Variants in ZNF420 observed in about 807,000 individuals in gnomAD.
ZNF420 encodes zinc finger protein 420.
In ZNF420, 31 loss-of-function variants were observed where a neutral mutation model predicts 44.7. The observed-to-expected ratio is 0.69, with a 90% CI of 0.52 to 0.94. The LOEUF (loss-of-function observed/expected upper bound fraction) is 0.94. Among genes scored for constraint, ZNF420 ranks in the 40% least tolerant of loss-of-function variants. The pLI is 0.00. For missense variants in ZNF420, 681 were observed against 827.9 expected (o/e 0.82, Z 2.18); for synonymous variants, 245 against 267.4 (o/e 0.92, Z 0.82).
intron 4 of ZNF420, among the ~76,000 whole-genome samples, chr19:37,105,736 G>A (rs1015702759): frequency 7.2e-5 from 11 of 152,136 alleles, no homozygotes; most frequent in Non-Finnish European, 1.6e-4. Context: ...AGTTCTCCTT[G>A]AAGAGGTCCT....
At chr19:37,120,003 C>T (rs1170805407) in intron 4 of ZNF420, among the ~76,000 whole-genome samples, 6 of 152,062 alleles carry the variant, frequency 3.9e-5, no homozygotes, top group Non-Finnish European at 7.4e-5. Flanking sequence ...CAAAAAGAGT[C>T]CAGGACCAGA....
intron 1 of ZNF420, among the ~76,000 whole-genome samples, chr19:37,051,850 G>T (rs2146424938): frequency 6.6e-6 from 1 of 152,130 alleles, no homozygotes; most frequent in Non-Finnish European, 1.5e-5. Context: ...TTCTCTTGTG[G>T]GCATTTAGTG....
intron 1 of ZNF420, among the ~76,000 whole-genome samples, chr19:37,057,022 A>G (rs1293668362): frequency 6.6e-6 from 1 of 152,246 alleles, no homozygotes; most frequent in Admixed American, 6.5e-5. Flanking sequence ...GCGCCAGCCA[A>G]TTCTCCCATC....
chr19:37,117,490 C>A (rs1391021429), intron 4 of ZNF420, among the ~76,000 whole-genome samples: 1 of 152,034 alleles, frequency 6.6e-6, no homozygotes, highest in African/African-American at 2.4e-5. Context: ...TCATCAAAGA[C>A]CAAAAGTAGA....
chr19:37,092,289 T>C (rs932243049), intron 4 of ZNF420: 1 of 152,196 alleles, frequency 6.6e-6, no homozygotes, highest in African/African-American at 2.4e-5. Flanking sequence ...ATGATCTTCC[T>C]AAAGACTCTT....
rs10404594 is a variant in ZNF420 at position 37,061,091 on chromosome 19, C to T, written c.-124-19254C>T. 6.5e-3 allele frequency among the ~76,000 whole-genome samples: 987 copies of T among 152,250 alleles called. 13 individuals carry two copies. The highest frequency in any genetic ancestry group is 0.022 in the African/African-American group (912 of 41,548). On this transcript the variant is annotated intron_variant, in intron 1 of 4. Transcript: ENST00000587029. ...GCATCGATGGAAAGGTCACCTGTGC[C>T]CCCCTTCCTCCGGAACATGCCTGGA...
At chr19:37,043,284 A>G (rs1297322453) in intron 1 of ZNF420, among the ~76,000 whole-genome samples, 3 of 152,216 alleles carry the variant, frequency 2.0e-5, no homozygotes, top group Non-Finnish European at 4.4e-5. Flanking sequence ...GTGTAACAAC[A>G]TGAGTTATGG....
chr19:37,068,903 A>G (rs542985479), intron 1 of ZNF420, among the ~76,000 whole-genome samples: 1 of 152,308 alleles, frequency 6.6e-6, no homozygotes, highest in Admixed American at 6.5e-5. Flanking sequence ...TCAATTTTCC[A>G]TGAAGATATA....
At chr19:37,076,695 A>C (rs1968163538), upstream of ZNF420, among the ~76,000 whole-genome samples, 2 of 152,186 alleles carry the variant, frequency 1.3e-5, no homozygotes. Flanking sequence ...CCTATAAAGG[A>C]CATGAACTCA....
intron 2 of ZNF420, among the ~76,000 whole-genome samples, chr19:37,085,935 T>TA (rs1333399489): frequency 5.7e-5 from 4 of 70,158 alleles, no homozygotes; most frequent in Non-Finnish European, 1.2e-4. Context: ...CTGGCTGATG[T>TA]TTTATTATTA....
chr19:37,105,474 C>T (rs1183485989), intron 4 of ZNF420, among the ~76,000 whole-genome samples: 1 of 134,798 alleles, frequency 7.4e-6, no homozygotes, highest in East Asian at 2.2e-4. Flanking sequence ...ATTGGCTTGG[C>T]AATGCGGGTT....
chr19:37,045,944 C>T (rs1482730088), intron 1 of ZNF420, among the ~76,000 whole-genome samples: 1 of 152,196 alleles, frequency 6.6e-6, no homozygotes, highest in African/African-American at 2.4e-5. Flanking sequence ...AGGTGAAAGG[C>T]ACTTCTTACA....
intron 1 of ZNF420, among the ~76,000 whole-genome samples, chr19:37,062,589 T>A (rs902232980): frequency 2.0e-5 from 3 of 152,248 alleles, no homozygotes; most frequent in African/African-American, 7.2e-5. Flanking sequence ...TATTTCTGTA[T>A]ATTTCTAATT....
rs61056688 is a variant in ZNF420 at position 37,129,139 on chromosome 19, C to T, written c.*81C>T. On this transcript the variant is annotated 3_prime_UTR_variant, in exon 5 of 5. Coordinates refer to ENST00000337995, the MANE Select transcript of ZNF420 (RefSeq NM_144689.5). ...GAATTCTCACAAATGTGAATATGGG[C>T]GCACATTTGCCTCATAAAGCACAGC... The T allele has an allele frequency of 7.0e-3, 10,355 of 1,478,676 alleles. 305 individuals are homozygous for T. The highest frequency in any genetic ancestry group is 0.062 in the Admixed American group (3,087 of 49,426). 91.6% of individuals were successfully genotyped at this position (1,478,676 alleles called of 1,614,324 possible). A position where few individuals can be genotyped will look rare whatever the true frequency, so the allele number is the denominator to read the frequency against.
chr19:37,023,163 G>A (rs1196091220), intron 1 of ZNF420, among the ~76,000 whole-genome samples: 1 of 151,804 alleles, frequency 6.6e-6, no homozygotes, highest in Admixed American at 6.6e-5. Context: ...AAAAAGATCT[G>A]TAGAATGTCT....
In ZNF420 at chr19:37,010,456, C is replaced by A. The variant is rs915760509; in HGVS notation, c.-125+2374C>A. ...CTCGCAAAGAGCAGAACCCCGCAGCCTCAGGGGTTGCCTGGGGCTATGTGT... is the reference window on the plus strand; with the variant it reads ...CTCGCAAAGAGCAGAACCCCGCAGCATCAGGGGTTGCCTGGGGCTATGTGT... On this transcript the variant is annotated intron_variant, in intron 1 of 4. Transcript: ENST00000587029. Among the ~76,000 whole-genome samples, 5 of 152,062 alleles carry A rather than the reference C, an allele frequency of 3.3e-5. No individual in the cohort carries two copies. In the East Asian group the frequency reaches 9.7e-4, roughly 30 times the overall value.
At chr19:37,059,271 C>T (rs1031721271) in intron 1 of ZNF420, among the ~76,000 whole-genome samples, 24 of 151,760 alleles carry the variant, frequency 1.6e-4, no homozygotes, top group African/African-American at 5.6e-4. Context: ...GCGGCTGCAG[C>T]AGGAGCTTCC....
At chr19:37,078,021 G>T (rs1968205142), upstream of ZNF420, 1 of 152,600 alleles carries the variant, frequency 6.6e-6, no homozygotes, top group Non-Finnish European at 1.5e-5. Flanking sequence ...CAAGGGCCTG[G>T]GAGGGCACAC....
At chr19:37,082,160 G>T (rs116788424) in intron 2 of ZNF420, among the ~76,000 whole-genome samples, 2,203 of 151,872 alleles carry the variant, frequency 0.015, 23 homozygotes, top group African/African-American at 0.027. Flanking sequence ...TCCATTTTTT[G>T]TTGTTGTTGT....
Sources: gnomAD v4.1 joint callset for allele counts (sites outside exome capture counted in the v4.1 genomes callset) on GRCh38, gnomAD v4.1.1 for gene constraint, MANE v1.5 for transcripts, NCBI Gene and HGNC (gene_info 2026-07-23, HGNC 2026-07-21) for gene names.